The following PARVA variants were observed in gnomAD, a reference collection of about 807,000 sequenced individuals.
The protein encoded by PARVA is parvin alpha.
Under a neutral mutation model 52.6 loss-of-function variants are expected in PARVA, and 25 were observed. The ratio of observed to expected loss-of-function variants is 0.48; its 90% confidence interval spans 0.35 to 0.66. PARVA has a LOEUF of 0.66. PARVA is among the 30% of genes least tolerant of loss of function. PARVA has a pLI of 0.01. For missense variants in PARVA, 373 were observed against 450.9 expected (o/e 0.83, Z 1.56); for synonymous variants, 185 against 179.1 (o/e 1.03, Z -0.26).
intron 1 of PARVA, among the ~76,000 whole-genome samples, chr11:12,413,991 C>T (rs1940028810): frequency 6.6e-6 from 1 of 152,236 alleles, no homozygotes; most frequent in South Asian, 2.1e-4. Flanking sequence ...TGCCCACATT[C>T]TCAGGACCAG....
In PARVA at chr11:12,377,704, GC is replaced by G; in HGVS notation, c.62del (p.Pro21ArgfsTer34). 1 of 1,565,950 alleles carries G rather than the reference GC, an allele frequency of 6.4e-7. No homozygotes were observed. Among genetic ancestry groups the G allele is most frequent in the Non-Finnish European group, 8.6e-7 (1 of 1,160,832 alleles). The part of the protein sequence containing the change: ...SVPKSPTPKS[P>X]PSRKKDDSFL... ...TCCCCAAGTCTCCCACTCCCAAGTC[GC>G]CCCCGTCCCGCAAGAAAGATGATTC... is the stretch of plus-strand genomic sequence containing the variant. On this transcript the variant is annotated frameshift_variant, in exon 1 of 13. Transcript: ENST00000334956. LOFTEE classifies it high-confidence loss of function.
chr11:12,513,284 T>C lies in PARVA; in HGVS notation c.737-15T>C, dbSNP rs775094929. 1 of 1,612,932 alleles carries C rather than the reference T, an allele frequency of 6.2e-7. No homozygotes were observed. The highest frequency in any genetic ancestry group is 2.2e-5 in the East Asian group (1 of 44,872). ...TCAGCTCTTGTGCTCCACATTGTGT[T>C]TCCCTCTTTTTCAGAACGTGATGCC... On this transcript the variant is annotated splice_polypyrimidine_tract_variant and intron_variant, in intron 8 of 12. Coordinates refer to ENST00000334956, the MANE Select transcript of PARVA (RefSeq NM_018222.5).
At chr11:12,444,666 G>T (rs574195183) in intron 1 of PARVA, among the ~76,000 whole-genome samples, 2 of 152,176 alleles carry the variant, frequency 1.3e-5, no homozygotes, top group African/African-American at 2.4e-5. Context: ...GGCCTCAAGT[G>T]ATCCTCCCAC....
At chr11:12,502,173 G>C (rs912330756) in intron 5 of PARVA, among the ~76,000 whole-genome samples, 2 of 152,192 alleles carry the variant, frequency 1.3e-5, no homozygotes, top group African/African-American at 2.4e-5. Flanking sequence ...TAGGAGTTCA[G>C]AGCAGTTCAG....
In PARVA at chr11:12,423,228, G is replaced by T. The variant is rs563127294; in HGVS notation, c.136+45445G>T. Among the ~76,000 whole-genome samples, 30 of 150,362 alleles carry T rather than the reference G, an allele frequency of 2.0e-4. No homozygotes were observed. In the South Asian group the frequency reaches 6.3e-3, roughly 32 times the overall value. The stretch of plus-strand genomic sequence containing the variant: ...GACGGGGTCTTGCTTACCCATGCTG[G>T]ACTGCAGTGGCGTGAACACAGCTCA... On this transcript the variant is annotated intron_variant, in intron 1 of 12. Transcript: ENST00000334956.
intron 1 of PARVA, among the ~76,000 whole-genome samples, chr11:12,419,213 C>T (rs1417142479): frequency 6.6e-6 from 1 of 152,138 alleles, no homozygotes; most frequent in African/African-American, 2.4e-5. Flanking sequence ...TTGTAACCAA[C>T]CTCCTAAACC....
At chr11:12,501,432 G>T (rs747614403) in intron 5 of PARVA, among the ~76,000 whole-genome samples, 1 of 151,986 alleles carries the variant, frequency 6.6e-6, no homozygotes, top group Non-Finnish European at 1.5e-5. Context: ...TTCAACTATG[G>T]TTGGTCCAAA....
chr11:12,480,981 T>C (rs1023186101), intron 4 of PARVA, among the ~76,000 whole-genome samples: 2 of 152,178 alleles, frequency 1.3e-5, no homozygotes, highest in African/African-American at 4.8e-5. Flanking sequence ...CTGGCTATTT[T>C]TCGTGTCACT....
rs138148836 is a variant in PARVA, at chr11:12,525,776, C to T, written c.1043-2073C>T. On this transcript the variant is annotated intron_variant, in intron 12 of 12. Coordinates refer to ENST00000334956, the MANE Select transcript of PARVA (RefSeq NM_018222.5). Reference sequence around the variant, plus strand: ...TGGGAGCAGAAACAGAATCTGGGAGCTCCAGGCCACTCCAGGCCTCTCCAT... The same window carrying T: ...TGGGAGCAGAAACAGAATCTGGGAGTTCCAGGCCACTCCAGGCCTCTCCAT... Among the ~76,000 whole-genome samples the T allele has an allele frequency of 7.9e-5, 12 of 152,264 alleles. No homozygotes were observed. In the East Asian group the frequency reaches 2.3e-3, roughly 29 times the overall value.
Position 12,518,406 on chromosome 11 carries a change from G to A in PARVA, c.970-39G>A, listed in dbSNP as rs1485182287. Reference sequence around the variant, plus strand: ...CAGGGCCAGGTCCTGGGGCTCCTGGGTGTGCAATGGTACATGCTGTCTGCA... The same window carrying A: ...CAGGGCCAGGTCCTGGGGCTCCTGGATGTGCAATGGTACATGCTGTCTGCA... On this transcript the variant is annotated intron_variant, in intron 11 of 12. Transcript: ENST00000334956. The A allele has an allele frequency of 3.3e-6, 5 of 1,517,530 alleles. No individual in the cohort carries two copies. The African/African-American group carries it at 4.1e-5, about 12-fold the overall frequency. 94.0% of individuals were successfully genotyped at this position (1,517,530 alleles called of 1,614,324 possible).
chr11:12,434,745 C>T (rs1940364489), intron 1 of PARVA, among the ~76,000 whole-genome samples: 1 of 152,208 alleles, frequency 6.6e-6, no homozygotes, highest in Non-Finnish European at 1.5e-5. Flanking sequence ...TCTAGCCACA[C>T]TCACAGCATC....
chr11:12,481,107 G>A (rs982602012), intron 4 of PARVA, among the ~76,000 whole-genome samples: 26 of 152,036 alleles, frequency 1.7e-4, no homozygotes, highest in Non-Finnish European at 3.4e-4. Context: ...GATACTTTGA[G>A]ACCACGTAAA....
intron 1 of PARVA, among the ~76,000 whole-genome samples, chr11:12,409,458 C>T (rs576512281): frequency 4.6e-5 from 7 of 152,194 alleles, no homozygotes; most frequent in South Asian, 2.1e-4. Flanking sequence ...AATCAGCTGG[C>T]CTTAACATAG....
chr11:12,427,749 A>G (rs555866482), intron 1 of PARVA, among the ~76,000 whole-genome samples: 10 of 152,362 alleles, frequency 6.6e-5, no homozygotes, highest in African/African-American at 9.6e-5. Flanking sequence ...AGCTTTAGGT[A>G]AAAACATCAA....
chr11:12,449,115 C>T (rs1414016043), intron 1 of PARVA, among the ~76,000 whole-genome samples: 1 of 151,620 alleles, frequency 6.6e-6, no homozygotes, highest in African/African-American at 2.4e-5. Context: ...TTTATGTTTA[C>T]CAAAAGGGGC....
chr11:12,442,954 C>T (rs1014056600), intron 1 of PARVA, among the ~76,000 whole-genome samples: 10 of 144,690 alleles, frequency 6.9e-5, no homozygotes, highest in South Asian at 2.3e-4. Context: ...TTCCGCCTCC[C>T]GGGTTCACGC....
intron 1 of PARVA, among the ~76,000 whole-genome samples, chr11:12,435,344 C>T (rs1940372422): frequency 6.6e-6 from 1 of 152,182 alleles, no homozygotes; most frequent in African/African-American, 2.4e-5. Context: ...CAGCCAAGAT[C>T]CTGATTCCAG....
At chr11:12,438,731 T>C (rs1940422540) in intron 1 of PARVA, among the ~76,000 whole-genome samples, 1 of 152,076 alleles carries the variant, frequency 6.6e-6, no homozygotes. Flanking sequence ...TTAAAGTAGG[T>C]ATTATTGTTC....
intron 1 of PARVA, among the ~76,000 whole-genome samples, chr11:12,385,450 A>G (rs557628393): frequency 6.6e-6 from 1 of 152,358 alleles, no homozygotes; most frequent in East Asian, 1.9e-4. Context: ...TTTAAAATAC[A>G]GCAGATCTTG....
Sources: gnomAD v4.1 joint callset for allele counts (sites outside exome capture counted in the v4.1 genomes callset) on GRCh38, gnomAD v4.1.1 for gene constraint, MANE v1.5 for transcripts, NCBI Gene and HGNC (gene_info 2026-07-23, HGNC 2026-07-21) for gene names.